Variants in ADAMTS18 observed in about 807,000 individuals in gnomAD.
The protein encoded by ADAMTS18 is ADAM metallopeptidase with thrombospondin type 1 motif 18.
In ADAMTS18, 157 loss-of-function variants were observed where a neutral mutation model predicts 165.9. The ratio of observed to expected loss-of-function variants is 0.95; its 90% CI spans 0.83 to 1.08. The LOEUF (loss-of-function observed/expected upper bound fraction) is 1.08, where lower values mean the gene tolerates loss of function less well. ADAMTS18 is among the 50% of genes least tolerant of loss of function. ADAMTS18 has a pLI of 0.00. For missense variants in ADAMTS18, 2,040 were observed against 1,534.0 expected (o/e 1.33, Z -5.51); for synonymous variants, 782 against 578.2 (o/e 1.35, Z -5.06).
chr16:77,321,151 C>T lies in ADAMTS18; in HGVS notation c.2215G>A (p.Gly739Ser). The change falls in exon 15 of 23, where the codon GGC becomes AGC. Residue 739 changes from glycine to serine, a missense_variant. Coordinates refer to ENST00000282849, the MANE Select transcript of ADAMTS18 (RefSeq NM_199355.4). ...LGSKAVSDAC[G>S]VCKGDNSTCK... Reference sequence around the variant, plus strand: ...GTTGAATTATCACCTTTGCAAACGCCACAAGCATCTGAAACTGCTTTAGAG... The same window carrying T: ...GTTGAATTATCACCTTTGCAAACGCTACAAGCATCTGAAACTGCTTTAGAG... The T allele has an allele frequency of 1.1e-5, 17 of 1,614,176 alleles. No individual in the cohort carries two copies. The highest frequency in any genetic ancestry group is 1.4e-5 in the Non-Finnish European group (17 of 1,180,026).
At chr16:77,305,981 A>G (rs2055674662) in intron 16 of ADAMTS18, among the ~76,000 whole-genome samples, 1 of 152,202 alleles carries the variant, frequency 6.6e-6, no homozygotes, top group African/African-American at 2.4e-5. Context: ...TGGAGAACAC[A>G]AACATGCTCA....
chr16:77,334,950 T>C (rs988352634), intron 12 of ADAMTS18, among the ~76,000 whole-genome samples: 3 of 141,274 alleles, frequency 2.1e-5, no homozygotes, highest in African/African-American at 7.8e-5. Context: ...TTATAGTATA[T>C]AGTAGTATAT....
In ADAMTS18 at chr16:77,364,326, G is replaced by C; in HGVS notation, c.834C>G (p.Ser278Arg). The C allele has an allele frequency of 6.2e-7, 1 of 1,613,900 alleles. No individual in the cohort carries two copies. Among genetic ancestry groups the C allele is most frequent in the South Asian group, 1.1e-5 (1 of 91,060 alleles). The stretch of plus-strand genomic sequence containing the variant: ...CAGCTGATCTTCTGGGTCGCCCAGA[G>C]CTCCCATATTCATCAAACCTTAGAT... ...DTYLRFDEYGSSGRPRRSAGK... is the reference protein window; with the variant it reads ...DTYLRFDEYGRSGRPRRSAGK... Residue 278 changes from serine to arginine, a missense_variant, in exon 5 of 23, where the codon AGC (serine) becomes AGG (arginine). Coordinates refer to ENST00000282849, the MANE Select transcript of ADAMTS18 (RefSeq NM_199355.4).
At chr16:77,334,895 A>C (rs1167796852) in intron 12 of ADAMTS18, among the ~76,000 whole-genome samples, 1 of 136,310 alleles carries the variant, frequency 7.3e-6, no homozygotes, top group African/African-American at 2.7e-5. Context: ...TATAATATAC[A>C]GTATATATAC....
intron 3 of ADAMTS18, among the ~76,000 whole-genome samples, chr16:77,388,378 G>C (rs2057139116): frequency 6.6e-6 from 1 of 152,166 alleles, no homozygotes; most frequent in African/African-American, 2.4e-5. Context: ...GGGGTTACAG[G>C]TATGAGCCAC....
At chr16:77,379,693 G>A (rs28422093) in intron 3 of ADAMTS18, among the ~76,000 whole-genome samples, 3,524 of 152,136 alleles carry the variant, frequency 0.023, 127 homozygotes, top group African/African-American at 0.081. Context: ...GTTTTAGCAT[G>A]TTGGCCAGGG....
chr16:77,361,960 C>T, intron 7 of ADAMTS18, 145 bp downstream of exon 7: 1 of 904,924 alleles, frequency 1.1e-6, no homozygotes, highest in Non-Finnish European at 1.7e-6. Flanking sequence ...GAACAATAGT[C>T]ACCACAGGGT....
chr16:77,412,771 A>C (rs1401917863), intron 3 of ADAMTS18, among the ~76,000 whole-genome samples: 1 of 152,146 alleles, frequency 6.6e-6, no homozygotes, highest in Admixed American at 6.5e-5. Flanking sequence ...AGTATGGGTG[A>C]AAATGCCCCC....
rs143795076 is a variant in ADAMTS18 at position 77,398,319 on chromosome 16, A to AAACAACAAC, written c.496-30605_496-30597dup. The stretch of plus-strand genomic sequence containing the variant: ...GAAACAGAGAGACACTCTGTCTCAA[A>AAACAACAAC]AACAACAACAACAACAACAACAACA... On this transcript the variant is annotated intron_variant, in intron 3 of 22. Transcript: ENST00000282849. Among the ~76,000 whole-genome samples, 630 of 151,070 alleles carry AAACAACAAC rather than the reference A, an allele frequency of 4.2e-3. 2 individuals carry two copies. Among genetic ancestry groups the AAACAACAAC allele is most frequent in the Non-Finnish European group, 6.4e-3 (431 of 67,730 alleles).
rs1308087862 is a variant in ADAMTS18 at position 77,322,369 on chromosome 16, G to A, written c.2130C>T (p.Asn710=). ...CCCCGTCAATACAAACATCATTTTT[G>A]TTTGGGGAGCAGGGAGTTCCATCTT... ...KVKDGTPCSP[N]KNDVCIDGVC... The change falls in exon 14 of 23, where the codon AAC becomes AAT. Residue 710 remains asparagine, a synonymous_variant. Coordinates refer to ENST00000282849, the MANE Select transcript of ADAMTS18 (RefSeq NM_199355.4). The A allele has an allele frequency of 6.2e-7, 1 of 1,613,850 alleles. No homozygotes were observed. Among genetic ancestry groups the A allele is most frequent in the South Asian group, 1.1e-5 (1 of 91,060 alleles).
chr16:77,434,458 TA>T lies in ADAMTS18; in HGVS notation c.137del (p.Leu46Ter). 1 of 1,573,588 alleles carries T rather than the reference TA, an allele frequency of 6.4e-7. No homozygotes were observed. On this transcript the variant is annotated frameshift_variant, in exon 2 of 23. Coordinates refer to ENST00000282849, the MANE Select transcript of ADAMTS18 (RefSeq NM_199355.4). LOFTEE classifies it high-confidence loss of function. Reference sequence around the variant, plus strand: ...TGGCGCCGCTGCTGCTGTCACTGGCTAAGGCCGCGGCGACCGACGCACAGCA... The same window carrying T: ...TGGCGCCGCTGCTGCTGTCACTGGCTAGGCCGCGGCGACCGACGCACAGCA... ...CLCCASVAAA[L>X]ASDSSSGASG... is the part of the protein sequence containing the mutation.
rs913279534 is a variant in ADAMTS18, at chr16:77,355,800, A to T, written c.1460+140T>A. 53 of 1,033,414 alleles carry T rather than the reference A, an allele frequency of 5.1e-5. No homozygotes were observed. In the Middle Eastern group the frequency reaches 1.2e-3, roughly 23 times the overall value. 64.0% of individuals were successfully genotyped at this position (1,033,414 alleles called of 1,614,324 possible). A position where few individuals can be genotyped will look rare whatever the true frequency, so the allele number is the denominator to read the frequency against. On this transcript the variant is annotated intron_variant, in intron 9 of 22. Transcript: ENST00000282849. ...TTTCAACAATGTCATCATCACCATC[A>T]TCATTATCATCATCATTTGTCTTTC... is the stretch of plus-strand genomic sequence containing the variant.
At chr16:77,385,601 G>T (rs1187770325) in intron 3 of ADAMTS18, among the ~76,000 whole-genome samples, 1 of 152,178 alleles carries the variant, frequency 6.6e-6, no homozygotes, top group Non-Finnish European at 1.5e-5. Flanking sequence ...GCCTCCCTTG[G>T]AACTGACAGC....
intron 16 of ADAMTS18, among the ~76,000 whole-genome samples, chr16:77,307,332 C>T (rs948050898): frequency 6.6e-6 from 1 of 152,138 alleles, no homozygotes; most frequent in African/African-American, 2.4e-5. Flanking sequence ...TTATTTGCTT[C>T]AAAGCTGGAA....
chr16:77,406,443 T>C (rs2057394102), intron 3 of ADAMTS18, among the ~76,000 whole-genome samples: 3 of 152,224 alleles, frequency 2.0e-5, no homozygotes, highest in African/African-American at 7.2e-5. Flanking sequence ...TGCTTGCTTT[T>C]ATCACTTGTA....
chr16:77,411,362 C>T (rs2057460419), intron 3 of ADAMTS18, among the ~76,000 whole-genome samples: 2 of 152,204 alleles, frequency 1.3e-5, no homozygotes, highest in African/African-American at 4.8e-5. Context: ...TGCAGGACCA[C>T]TAGGGCCATA....
At chr16:77,417,500 G>T (rs778749890) in intron 3 of ADAMTS18, among the ~76,000 whole-genome samples, 7 of 152,152 alleles carry the variant, frequency 4.6e-5, no homozygotes, top group Non-Finnish European at 1.0e-4. Flanking sequence ...TTAGCTGATG[G>T]GTCTATTCAA....
In ADAMTS18 at chr16:77,353,792, T is replaced by C; in HGVS notation, c.1555A>G (p.Thr519Ala). 6.2e-7 allele frequency: 1 copy of C among 1,614,200 alleles called. No homozygotes were observed. Among genetic ancestry groups the C allele is most frequent in the Non-Finnish European group, 8.5e-7 (1 of 1,180,028 alleles). The change falls in exon 10 of 23, where the codon ACA becomes GCA. Residue 519 changes from threonine to alanine, a missense_variant. Physicochemically the swap from Thr to Ala is moderately conservative, Grantham distance 58. Coordinates refer to ENST00000282849, the MANE Select transcript of ADAMTS18 (RefSeq NM_199355.4). ...GCTCCAAATTGCCATTTACACTGTG[T>C]GTCAGCATCATAAATCTGTCCTGGT... ...KLPGQIYDAD[T>A]QCKWQFGAKA...
intron 3 of ADAMTS18, among the ~76,000 whole-genome samples, chr16:77,380,516 T>C (rs1399983781): frequency 6.6e-6 from 1 of 152,238 alleles, no homozygotes; most frequent in Admixed American, 6.5e-5. Flanking sequence ...CAAAAGAGTA[T>C]GTACCTCTAA....
Sources: gnomAD v4.1 joint callset for allele counts (sites outside exome capture counted in the v4.1 genomes callset) on GRCh38, gnomAD v4.1.1 for gene constraint, MANE v1.5 for transcripts, NCBI Gene and HGNC (gene_info 2026-07-23, HGNC 2026-07-21) for gene names.